NXT2: variants seen among roughly 807,000 people sequenced by gnomAD.
NXT2 encodes NTF2-related export protein 2.
Under a neutral mutation model 9.6 loss-of-function variants are expected in NXT2, and 1 was observed. The observed-to-expected ratio is 0.10, with a 90% confidence interval of 0.04 to 0.49. The LOEUF is 0.49. Ranked by LOEUF, NXT2 falls within the 20% of genes least tolerant of loss-of-function variation. The probability of loss-of-function intolerance (pLI) is 0.95; values close to 1 mark genes in which losing one functional copy is unlikely to be tolerated. For synonymous variants in NXT2, 22 were observed against 35.4 expected (o/e 0.62, Z 1.34); for missense variants, 48 against 100.3 (o/e 0.48, Z 2.23).
At chrX:109,542,483 C>CTTT (rs759333019) in intron 3 of NXT2, 24 bp from the exon 4 acceptor site, 2 of 909,773 alleles carry the variant, frequency 2.2e-6, no homozygotes, top group Middle Eastern at 2.9e-4. Flanking sequence ...GATGTGTTCT[C>CTTT]TTTTTTTTTT....
chrX:109,537,067 T>A, intron 1 of NXT2, 46 bp downstream of exon 1: 1 of 1,186,734 alleles, frequency 8.4e-7, no homozygotes, highest in East Asian at 3.1e-5. Context: ...CGGACTCCAG[T>A]GGCTGAGAGG....
At position 109,544,448 on chromosome X, in the gene NXT2, C is replaced by T. The variant is rs1260227418; in HGVS notation, c.*1760C>T. The T allele has an allele frequency of 1.8e-5, 2 of 112,632 alleles. No individual in the cohort carries two copies. Among genetic ancestry groups the T allele is most frequent in the Non-Finnish European group, 3.8e-5 (2 of 53,163 alleles). 9.3% of individuals were successfully genotyped at this position (112,632 alleles called of 1,213,427 possible). On this transcript the variant is annotated 3_prime_UTR_variant, in exon 4 of 4. Transcript: ENST00000372106. ...CAGCAACAATCAGAATGTCCAAATG[C>T]TGTCCTTTCCCTTACAGAGAAGAAC...
At chrX:109,535,848 G>T, upstream of NXT2, 1 of 1,060,566 alleles carries the variant, frequency 9.4e-7, no homozygotes, top group Non-Finnish European at 1.3e-6. Flanking sequence ...CTACCTTGAA[G>T]AGAAAAGAGC....
intron 2 of NXT2, among the ~76,000 whole-genome samples, chrX:109,538,611 AC>A (rs1230919251): frequency 9.0e-6 from 1 of 111,127 alleles, no homozygotes; most frequent in African/African-American, 3.3e-5. Flanking sequence ...AGTATAGCTT[AC>A]ACCCACAAAA....
Position 109,543,126 on chromosome X carries a change from T to C in NXT2, c.*438T>C, listed in dbSNP as rs1933454883. 1 of 112,874 alleles carries C rather than the reference T, an allele frequency of 8.9e-6. No homozygotes were observed. Among genetic ancestry groups the C allele is most frequent in the Non-Finnish European group, 1.9e-5 (1 of 53,499 alleles). 9.3% of individuals were successfully genotyped at this position (112,874 alleles called of 1,213,427 possible). A position where few individuals can be genotyped will look rare whatever the true frequency, so the allele number is the denominator to read the frequency against. ...TAACACTGGTAATGCCATTTTAATA[T>C]ATGGCTTTTTCAAATCAGTTCAGTG... On this transcript the variant is annotated 3_prime_UTR_variant, in exon 4 of 4. Transcript: ENST00000372106.
chrX:109,542,675 G>A lies in NXT2; in HGVS notation c.416G>A (p.Trp139Ter). The A allele has an allele frequency of 8.5e-7, 1 of 1,177,650 alleles. No homozygotes were observed. Among genetic ancestry groups the A allele is most frequent in the Non-Finnish European group, 1.1e-6 (1 of 877,058 alleles). The change falls in exon 4 of 4, where the codon TGG becomes TAG. Residue 139 changes from tryptophan (W) to a stop codon, truncating the protein, a stop_gained. Transcript: ENST00000372106. LOFTEE classifies it high-confidence loss of function. ...IASDCFRFQD[W>*]SSS is the part of the protein sequence containing the mutation. ...AGTGATTGCTTCCGTTTTCAAGATT[G>A]GTCTAGTAGTTAAAGGGGCAAAAGT...
chrX:109,541,376 A>G (rs1933414738), intron 2 of NXT2, 99 bp from the exon 3 acceptor site: 1 of 770,472 alleles, frequency 1.3e-6, no homozygotes, highest in African/African-American at 2.1e-5. Context: ...AACTACAAAA[A>G]ATGTTTATAT....
Position 109,543,946 on chromosome X carries a change from A to T in NXT2, c.*1258A>T. The T allele has an allele frequency of 8.9e-6, 1 of 112,580 alleles. No homozygotes were observed. The highest frequency in any genetic ancestry group is 9.4e-5 in the Admixed American group (1 of 10,615). The allele number at this position is 112,580 out of a possible 1,213,427, so 9.3% of individuals were successfully genotyped here. ...ATTTAATTTTGTGATTTGTTCTTCC[A>T]TATGACATTGAGCAAATAGATCTGT... On this transcript the variant is annotated 3_prime_UTR_variant, in exon 4 of 4. Transcript: ENST00000372106.
chrX:109,537,271 G>T (rs1933300723), intron 1 of NXT2: 3 of 986,143 alleles, frequency 3.0e-6, no homozygotes, highest in East Asian at 4.1e-5. Context: ...GGATGTTGGG[G>T]TTTGTTGTTT....
At chrX:109,535,853 A>G (rs1197925621), upstream of NXT2, 6 of 1,083,440 alleles carry the variant, frequency 5.5e-6, no homozygotes, top group Non-Finnish European at 7.6e-6. Flanking sequence ...TTGAAGAGAA[A>G]AGAGCCAGAT....
At chrX:109,540,516 T>TG (rs1344852110) in intron 2 of NXT2, among the ~76,000 whole-genome samples, 1 of 109,782 alleles carries the variant, frequency 9.1e-6, no homozygotes, top group Non-Finnish European at 1.9e-5. Context: ...TTAGTAGAGA[T>TG]GGGGTTTCAC....
rs1204460816 is a variant in NXT2 at position 109,542,919 on chromosome X, A to T, written c.*231A>T. ...TACATTCCACTAATGACATTCTTATAATAATATTAAACACATGATCTTGGT... is the reference window on the plus strand; with the variant it reads ...TACATTCCACTAATGACATTCTTATTATAATATTAAACACATGATCTTGGT... On this transcript the variant is annotated 3_prime_UTR_variant, in exon 4 of 4. Transcript: ENST00000372106. The T allele has an allele frequency of 4.1e-6, 1 of 246,303 alleles. No individual in the cohort carries two copies. The highest frequency in any genetic ancestry group is 7.2e-6 in the Non-Finnish European group (1 of 139,279). 20.3% of individuals were successfully genotyped at this position (246,303 alleles called of 1,213,427 possible).
Position 109,542,795 on chromosome X carries a change from T to G in NXT2, c.*107T>G. On this transcript the variant is annotated 3_prime_UTR_variant, in exon 4 of 4. Coordinates refer to ENST00000372106, the MANE Select transcript of NXT2 (RefSeq NM_001242617.2). ...ATAATATGTGCTGAAACTAAATTTC[T>G]TTAATATTTTCTATTCCTGTCAGCA... 1.6e-6 allele frequency: 1 copy of G among 629,812 alleles called. No homozygotes were observed. The highest frequency in any genetic ancestry group is 3.6e-5 in the East Asian group (1 of 27,555). 51.9% of individuals were successfully genotyped at this position (629,812 alleles called of 1,213,427 possible).
upstream of NXT2, chrX:109,535,850 G>T (rs1933261553): frequency 6.5e-6 from 7 of 1,078,297 alleles, no homozygotes; most frequent in Non-Finnish European, 8.9e-6. Flanking sequence ...ACCTTGAAGA[G>T]AAAAGAGCCA....
rs141309813 is a variant in NXT2, at chrX:109,538,665, G to A, written c.102+534G>A. Reference sequence around the variant, plus strand: ...GATAATATTAAGTCCTCAACAGACCGAGATTTCATCAGCTTTTTCATTGCA... The same window carrying A: ...GATAATATTAAGTCCTCAACAGACCAAGATTTCATCAGCTTTTTCATTGCA... On this transcript the variant is annotated intron_variant, in intron 2 of 3. Transcript: ENST00000372106. Among the ~76,000 whole-genome samples the A allele has an allele frequency of 6.6e-3, 725 of 110,450 alleles. 4 individuals carry two copies. The highest frequency in any genetic ancestry group is 0.01 in the Non-Finnish European group (552 of 52,887).
Position 109,536,881 on chromosome X carries a change from A to C in NXT2, c.-126A>C. The C allele has an allele frequency of 8.4e-7, 1 of 1,185,162 alleles. No homozygotes were observed. The highest frequency in any genetic ancestry group is 3.1e-5 in the East Asian group (1 of 32,533). On this transcript the variant is annotated 5_prime_UTR_variant, in exon 1 of 4. Coordinates refer to ENST00000372106, the MANE Select transcript of NXT2 (RefSeq NM_001242617.2). The stretch of plus-strand genomic sequence containing the variant: ...TTCCGGGAGAGAATGGGAGGGTGGA[A>C]AATTTTGTGCGTTTGGCGGGTTTCG...
Position 109,544,369 on chromosome X carries a change from C to T in NXT2, c.*1681C>T, listed in dbSNP as rs1268302379. The T allele has an allele frequency of 8.9e-6, 1 of 112,616 alleles. No homozygotes were observed. Among genetic ancestry groups the T allele is most frequent in the Non-Finnish European group, 1.9e-5 (1 of 53,205 alleles). The allele number at this position is 112,616 out of a possible 1,213,427, so 9.3% of individuals were successfully genotyped here. A position where few individuals can be genotyped will look rare whatever the true frequency, so the allele number is the denominator to read the frequency against. On this transcript the variant is annotated 3_prime_UTR_variant, in exon 4 of 4. Transcript: ENST00000372106. Reference sequence around the variant, plus strand: ...ATTGAAACTTACACGTTTTATTCTACTCATAGTGAGCTTATTCTTATTTTG... The same window carrying T: ...ATTGAAACTTACACGTTTTATTCTATTCATAGTGAGCTTATTCTTATTTTG...
rs1488093270 is a variant in NXT2, at chrX:109,538,071, A to T, written c.42A>T (p.Ala14=). Residue 14 remains alanine, a synonymous_variant, in exon 2 of 4, where the codon GCA becomes GCT. Transcript: ENST00000372106. ...SLDFKTYVDQ[A]CRAAEEFVNI... ...ATTTTAAAACTTATGTAGATCAGGC[A>T]TGTAGAGCTGCTGAGGAGTTTGTCA... 2 of 1,201,931 alleles carry T rather than the reference A, an allele frequency of 1.7e-6. No individual in the cohort carries two copies.
Position 109,543,568 on chromosome X carries a change from A to G in NXT2, c.*880A>G, listed in dbSNP as rs1049594113. ...TTTTAGGATTTAAATCACTAAGTAAATAAGTATCCTTGCCAAGTGATCATG... is the reference window on the plus strand; with the variant it reads ...TTTTAGGATTTAAATCACTAAGTAAGTAAGTATCCTTGCCAAGTGATCATG... On this transcript the variant is annotated 3_prime_UTR_variant, in exon 4 of 4. Coordinates refer to ENST00000372106, the MANE Select transcript of NXT2 (RefSeq NM_001242617.2). 1 of 112,382 alleles carries G rather than the reference A, an allele frequency of 8.9e-6. No individual in the cohort carries two copies. Among genetic ancestry groups the G allele is most frequent in the African/African-American group, 3.2e-5 (1 of 30,910 alleles). The allele number at this position is 112,382 out of a possible 1,213,427, so 9.3% of individuals were successfully genotyped here. A position where few individuals can be genotyped will look rare whatever the true frequency, so the allele number is the denominator to read the frequency against.
Sources: gnomAD v4.1 joint callset for allele counts (sites outside exome capture counted in the v4.1 genomes callset) on GRCh38, gnomAD v4.1.1 for gene constraint, MANE v1.5 for transcripts, NCBI Gene and HGNC (gene_info 2026-07-23, HGNC 2026-07-21) for gene names.